Variants in FAM110B observed in about 807,000 individuals in gnomAD.
FAM110B encodes family with sequence similarity 110 member B, also known as protein FAM110B.
A neutral mutation model predicts 20.4 loss-of-function variants in FAM110B; 6 were observed. The observed-to-expected ratio is 0.29, with a 90% CI of 0.16 to 0.58. The LOEUF (loss-of-function observed/expected upper bound fraction) is 0.58. Ranked by LOEUF, FAM110B falls within the 20% of genes least tolerant of loss-of-function variation. The pLI, the probability that FAM110B is intolerant of heterozygous loss-of-function variation, is 0.90. For synonymous variants in FAM110B, 226 were observed against 214.1 expected (o/e 1.06, Z -0.49); for missense variants, 434 against 498.2 (o/e 0.87, Z 1.23).
intron 2 of FAM110B, among the ~76,000 whole-genome samples, chr8:58,068,917 T>C (rs1429375596): frequency 6.6e-6 from 1 of 152,214 alleles, no homozygotes; most frequent in East Asian, 1.9e-4. Flanking sequence ...TCCCAATTTA[T>C]ATTCCATAGA....
chr8:58,073,342 T>C (rs536824012), intron 2 of FAM110B, among the ~76,000 whole-genome samples: 1 of 152,090 alleles, frequency 6.6e-6, no homozygotes, highest in South Asian at 2.1e-4. Context: ...GGGTGAGGAG[T>C]GCCAGGGAGG....
At chr8:58,061,132 A>G (rs1017380454) in intron 2 of FAM110B, among the ~76,000 whole-genome samples, 2 of 152,210 alleles carry the variant, frequency 1.3e-5, no homozygotes, top group African/African-American at 2.4e-5. Flanking sequence ...TTTCTATTCA[A>G]CGACTATAGA....
chr8:58,076,085 G>A (rs538822335), intron 3 of FAM110B, among the ~76,000 whole-genome samples: 11 of 152,216 alleles, frequency 7.2e-5, no homozygotes, highest in South Asian at 2.1e-4. Context: ...CACCTCCTGC[G>A]TAATTAAGCC....
chr8:58,076,322 G>C (rs1437300689), intron 3 of FAM110B, among the ~76,000 whole-genome samples: 6 of 152,194 alleles, frequency 3.9e-5, no homozygotes, highest in Non-Finnish European at 8.8e-5. Context: ...CAAGGGCACT[G>C]GGAGTGGGTG....
chr8:58,014,181 C>T (rs1384427334), intron 1 of FAM110B, among the ~76,000 whole-genome samples: 2 of 152,128 alleles, frequency 1.3e-5, no homozygotes, highest in Non-Finnish European at 2.9e-5. Context: ...CTAGTAAGAA[C>T]ACTTAGGATC....
intron 2 of FAM110B, among the ~76,000 whole-genome samples, chr8:58,033,213 T>C (rs541118799): frequency 6.6e-6 from 1 of 152,342 alleles, no homozygotes; most frequent in African/African-American, 2.4e-5. Context: ...GTGTCCATGC[T>C]GCTGCAAAGG....
intron 2 of FAM110B, among the ~76,000 whole-genome samples, chr8:58,053,542 A>G (rs941325972): frequency 1.3e-5 from 2 of 152,176 alleles, no homozygotes; most frequent in African/African-American, 4.8e-5. Flanking sequence ...GGATACACCA[A>G]TCTGGTGTTT....
rs142644306 is a variant in FAM110B at position 58,147,131 on chromosome 8, T to A, written c.901T>A (p.Ser301Thr). The A allele has an allele frequency of 1.3e-5, 21 of 1,614,048 alleles. No homozygotes were observed. Among genetic ancestry groups the A allele is most frequent in the Non-Finnish European group, 1.7e-5 (20 of 1,180,050 alleles). The part of the protein sequence containing the change: ...LGMENFARAN[S>T]DIISLNFRSA... ...AATGGAAAACTTTGCAAGGGCTAAT[T>A]CTGACATAATATCCCTCAACTTCCG... The change falls in exon 4 of 4, where the codon TCT becomes ACT. Residue 301 changes from serine to threonine, a missense_variant. Ser to Thr is a moderately conservative substitution (Grantham distance 58). This residue lies in a region of FAM110B where 94 missense variants were observed against 137.8 expected (regional missense o/e 0.68). Transcript: ENST00000519262.
chr8:58,115,145 A>G (rs1460183489), intron 3 of FAM110B, among the ~76,000 whole-genome samples: 2 of 146,764 alleles, frequency 1.4e-5, no homozygotes, highest in African/African-American at 5.0e-5. Flanking sequence ...ACCCACCCCC[A>G]TGCCCCACCC....
intron 2 of FAM110B, among the ~76,000 whole-genome samples, chr8:58,041,699 A>T (rs1805224851): frequency 6.6e-6 from 1 of 152,240 alleles, no homozygotes; most frequent in African/African-American, 2.4e-5. Context: ...TGTGACATTG[A>T]TGCCTTGCAT....
At chr8:58,023,350 C>CTAA (rs1399096756) in intron 1 of FAM110B, among the ~76,000 whole-genome samples, 1 of 152,024 alleles carries the variant, frequency 6.6e-6, no homozygotes, top group Non-Finnish European at 1.5e-5. Context: ...ATGATGTCAG[C>CTAA]TAATAAAGGA....
intron 2 of FAM110B, among the ~76,000 whole-genome samples, chr8:58,046,448 T>C (rs1805321678): frequency 6.6e-6 from 1 of 152,192 alleles, no homozygotes. Flanking sequence ...AGGAGTTAAC[T>C]AACAAATGTA....
chr8:58,098,613 G>C lies in FAM110B; in HGVS notation c.-325+22990G>C, dbSNP rs1806693962. ...GTATGAAAAGAAACCCCTGAAGCTA[G>C]CTCGATGTCTGCCCAAACGGCTGCC... On this transcript the variant is annotated intron_variant, in intron 3 of 3. Coordinates refer to ENST00000519262, the MANE Select transcript of FAM110B (RefSeq NM_001377989.1). Among the ~76,000 whole-genome samples, 3 of 152,322 alleles carry C rather than the reference G, an allele frequency of 2.0e-5. 1 individual carries two copies. In the South Asian group the frequency reaches 6.2e-4, roughly 32 times the overall value.
intron 3 of FAM110B, among the ~76,000 whole-genome samples, chr8:58,131,369 C>T (rs1454261782): frequency 6.6e-6 from 1 of 152,064 alleles, no homozygotes; most frequent in Non-Finnish European, 1.5e-5. Flanking sequence ...TCTTGCCTCA[C>T]CTCCCCCGCA....
At chr8:58,130,909 G>A (rs750583386) in intron 3 of FAM110B, among the ~76,000 whole-genome samples, 44 of 152,128 alleles carry the variant, frequency 2.9e-4, no homozygotes, top group Non-Finnish European at 5.7e-4. Flanking sequence ...ATGACCATGA[G>A]GCCGTTGTTT....
intron 1 of FAM110B, among the ~76,000 whole-genome samples, chr8:58,014,935 G>A (rs1804608088): frequency 6.6e-6 from 1 of 152,146 alleles, no homozygotes; most frequent in Non-Finnish European, 1.5e-5. Context: ...CCATGAAAAT[G>A]TACTTATTTC....
chr8:58,025,473 A>G (rs978955054), intron 1 of FAM110B, among the ~76,000 whole-genome samples: 2 of 152,208 alleles, frequency 1.3e-5, no homozygotes, highest in African/African-American at 4.8e-5. Flanking sequence ...CTCCATCCAT[A>G]GCAACCTTGT....
intron 1 of FAM110B, among the ~76,000 whole-genome samples, chr8:58,011,586 A>T (rs903240072): frequency 2.6e-5 from 4 of 152,146 alleles, no homozygotes; most frequent in African/African-American, 9.7e-5. Flanking sequence ...AACCTGTGGA[A>T]TGTGTAGGAC....
intron 2 of FAM110B, among the ~76,000 whole-genome samples, chr8:58,044,893 A>G (rs1805290472): frequency 1.3e-5 from 2 of 152,320 alleles, no homozygotes; most frequent in South Asian, 2.1e-4. Context: ...GTTTTTATCA[A>G]TTAAGGATAT....
Sources: allele counts gnomAD v4.1 joint callset (sites outside exome capture counted in the v4.1 genomes callset), GRCh38; gene constraint gnomAD v4.1.1; regional missense constraint gnomAD v4.1.1; transcripts MANE v1.5; gene names NCBI Gene and HGNC (gene_info 2026-07-23, HGNC 2026-07-21).